The following PLS1 variants were observed in gnomAD, a reference collection of about 807,000 sequenced individuals.
PLS1 encodes plastin 1.
PLS1 carries 32 observed loss-of-function variants against 73.7 expected under a neutral mutation model. The ratio of observed to expected loss-of-function variants is 0.43; its 90% CI spans 0.33 to 0.58. The LOEUF is 0.58. Among genes scored for constraint, PLS1 ranks in the 20% least tolerant of loss-of-function variants. The probability of loss-of-function intolerance (pLI) is 0.04; values close to 1 mark genes in which losing one functional copy is unlikely to be tolerated. For synonymous variants in PLS1, 217 were observed against 261.3 expected (o/e 0.83, Z 1.63); for missense variants, 633 against 740.5 (o/e 0.85, Z 1.68).
chr3:142,670,059 T>C (rs2037572489), intron 3 of PLS1, among the ~76,000 whole-genome samples: 1 of 152,202 alleles, frequency 6.6e-6, no homozygotes, highest in East Asian at 1.9e-4. Context: ...AGAATTGCTA[T>C]GACAGAGTGG....
intron 1 of PLS1, among the ~76,000 whole-genome samples, chr3:142,623,868 A>G (rs1331156781): frequency 6.6e-6 from 1 of 152,136 alleles, no homozygotes; most frequent in Non-Finnish European, 1.5e-5. Context: ...TAGACTCATA[A>G]TTCTTGATTG....
chr3:142,694,982 T>C (rs2038163712), intron 11 of PLS1, among the ~76,000 whole-genome samples: 1 of 152,188 alleles, frequency 6.6e-6, no homozygotes, highest in Non-Finnish European at 1.5e-5. Context: ...ATAATTGTTA[T>C]AGCTTATCTC....
At chr3:142,704,159 T>G (rs550262774) in intron 13 of PLS1, among the ~76,000 whole-genome samples, 158 bp downstream of exon 13, 22 of 152,362 alleles carry the variant, frequency 1.4e-4, no homozygotes, top group African/African-American at 5.3e-4. Context: ...ATGGTTTTTT[T>G]GTAAATTATA....
intron 1 of PLS1, among the ~76,000 whole-genome samples, chr3:142,625,906 C>T (rs1347358715): frequency 2.0e-5 from 3 of 152,048 alleles, no homozygotes; most frequent in South Asian, 2.1e-4. Flanking sequence ...CCCAGGAGTT[C>T]GAGGCAGCAG....
At chr3:142,600,914 A>AT (rs1560024568) in intron 1 of PLS1, among the ~76,000 whole-genome samples, 11 of 19,022 alleles carry the variant, frequency 5.8e-4, no homozygotes, top group Admixed American at 1.8e-3. Flanking sequence ...ATATATATAT[A>AT]TATTTTTTTT....
At chr3:142,615,725 T>A (rs934530280) in intron 1 of PLS1, among the ~76,000 whole-genome samples, 8 of 152,068 alleles carry the variant, frequency 5.3e-5, no homozygotes, top group Non-Finnish European at 1.0e-4. Context: ...AGAGCTTGTG[T>A]CCTGAGGGCA....
chr3:142,648,473 A>G (rs571761340), intron 1 of PLS1, among the ~76,000 whole-genome samples: 23 of 152,302 alleles, frequency 1.5e-4, no homozygotes, highest in Non-Finnish European at 3.4e-4. Flanking sequence ...CAGTTGCGGG[A>G]GGCATCAGTT....
At chr3:142,628,438 GTAA>G (rs758476813) in intron 1 of PLS1, among the ~76,000 whole-genome samples, 39 of 151,064 alleles carry the variant, frequency 2.6e-4, no homozygotes, top group African/African-American at 8.9e-4. Context: ...TTTATGTAGT[GTAA>G]TAATATTATT....
intron 1 of PLS1, among the ~76,000 whole-genome samples, chr3:142,660,623 G>A (rs1312640708): frequency 6.6e-6 from 1 of 152,142 alleles, no homozygotes; most frequent in Non-Finnish European, 1.5e-5. Flanking sequence ...CCACACCATT[G>A]TGAAGTTGAA....
At chr3:142,698,887 C>T (rs2038267513) in intron 12 of PLS1, among the ~76,000 whole-genome samples, 1 of 152,026 alleles carries the variant, frequency 6.6e-6, no homozygotes, top group African/African-American at 2.4e-5. Flanking sequence ...CTAATCATAG[C>T]AATGTTTATA....
At chr3:142,632,625 G>T (rs1286838061) in intron 1 of PLS1, among the ~76,000 whole-genome samples, 3 of 149,202 alleles carry the variant, frequency 2.0e-5, no homozygotes, top group East Asian at 1.9e-4. Flanking sequence ...CTGAGACGGG[G>T]TCTTGTTCTG....
intron 1 of PLS1, among the ~76,000 whole-genome samples, chr3:142,641,283 C>CTATATTATATATAGATAAATAATATATA (rs2036833742): frequency 7.0e-6 from 1 of 142,122 alleles, no homozygotes; most frequent in Non-Finnish European, 1.5e-5. Context: ...ATCTATATAT[C>CTATATTATATATAGATAAATAATATATA]TATATTATAT....
intron 1 of PLS1, among the ~76,000 whole-genome samples, chr3:142,597,840 A>G (rs915171246): frequency 6.6e-6 from 1 of 152,174 alleles, no homozygotes; most frequent in Non-Finnish European, 1.5e-5. Context: ...TACTTATACC[A>G]TGAAGTCTGG....
chr3:142,617,146 A>AT (rs71871118), intron 1 of PLS1, among the ~76,000 whole-genome samples: 21,037 of 144,530 alleles, frequency 0.15, 3,378 homozygotes, highest in African/African-American at 0.4. Context: ...GATTAGGAAG[A>AT]TTTTTTTTTT....
At chr3:142,605,489 T>TCCTCCCC in intron 1 of PLS1, among the ~76,000 whole-genome samples, 1 of 152,262 alleles carries the variant, frequency 6.6e-6, no homozygotes, top group South Asian at 2.1e-4. Flanking sequence ...TCCTGCTTCA[T>TCCTCCCC]CCTCCCCAGT....
intron 1 of PLS1, among the ~76,000 whole-genome samples, chr3:142,623,083 C>T (rs2036347932): frequency 6.6e-6 from 1 of 152,108 alleles, no homozygotes; most frequent in Non-Finnish European, 1.5e-5. Context: ...CTCAGCCTTC[C>T]AAGTAGCTGA....
chr3:142,615,636 G>A (rs1030372145), intron 1 of PLS1, among the ~76,000 whole-genome samples: 2 of 152,082 alleles, frequency 1.3e-5, no homozygotes, highest in Non-Finnish European at 2.9e-5. Context: ...CTTCCCAGGA[G>A]CTTAATGTCT....
intron 1 of PLS1, among the ~76,000 whole-genome samples, chr3:142,657,334 A>C (rs1267754828): frequency 6.6e-6 from 1 of 151,910 alleles, no homozygotes; most frequent in Non-Finnish European, 1.5e-5. Context: ...CTTCCCCCTG[A>C]TCCGATTGCC....
In PLS1 at chr3:142,669,569, C is replaced by A; in HGVS notation, c.234+16C>A. 6.3e-7 allele frequency: 1 copy of A among 1,590,214 alleles called. No homozygotes were observed. Among genetic ancestry groups the A allele is most frequent in the South Asian group, 1.1e-5 (1 of 88,500 alleles). On this transcript the variant is annotated intron_variant, in intron 3 of 15. Transcript: ENST00000457734. ...GTTTGTGTCAGTAAGTAATCTAATC[C>A]TTTCGGGCTACTGATAATCTTGCTT...
Sources: gnomAD v4.1 joint callset for allele counts (sites outside exome capture counted in the v4.1 genomes callset) on GRCh38, gnomAD v4.1.1 for gene constraint, MANE v1.5 for transcripts, NCBI Gene and HGNC (gene_info 2026-07-23, HGNC 2026-07-21) for gene names.